Variants in ZNF445 observed in about 807,000 individuals in gnomAD.
The protein encoded by ZNF445 is zinc finger protein 168.
ZNF445 carries 19 observed loss-of-function variants against 93.9 expected under a neutral mutation model. The observed-to-expected ratio is 0.20, with a 90% confidence interval of 0.14 to 0.30. ZNF445 has a LOEUF of 0.30. ZNF445 is among the 10% of genes least tolerant of loss of function. The pLI is 1.00. For missense variants in ZNF445, 1,058 were observed against 1,259.4 expected, an observed-to-expected ratio of 0.84 and a Z score of 2.42; for synonymous variants, 449 against 446.3, an observed-to-expected ratio of 1.01 and a Z score of -0.08.
intron 1 of ZNF445, among the ~76,000 whole-genome samples, chr3:44,465,932 A>G (rs1307735007): frequency 6.6e-6 from 1 of 152,168 alleles, no homozygotes; most frequent in Non-Finnish European, 1.5e-5. Flanking sequence ...ACCAAAAAAC[A>G]AAACAAACAA....
Position 44,450,919 on chromosome 3 carries a change from C to A in ZNF445, c.642G>T (p.Gly214=), listed in dbSNP as rs757347521. ...TTGGTGTTACCTGGTCTCCCGGGCA[C>A]CCCTCTCTCGGGAAAAGGGCAGGCA... The part of the protein sequence containing the change: ...AQMPALFPRE[G]CPGDQVTPTR... Residue 214 remains glycine, a synonymous_variant, in exon 5 of 8, where the codon GGG becomes GGT. Coordinates refer to ENST00000396077, the MANE Select transcript of ZNF445 (RefSeq NM_181489.6). 2 of 1,599,580 alleles carry A rather than the reference C, an allele frequency of 1.3e-6. No homozygotes were observed. Among genetic ancestry groups the A allele is most frequent in the Admixed American group, 1.7e-5 (1 of 57,762 alleles).
intron 3 of ZNF445, among the ~76,000 whole-genome samples, chr3:44,451,827 T>C (rs1697963036): frequency 6.6e-6 from 1 of 152,010 alleles, no homozygotes; most frequent in African/African-American, 2.4e-5. Context: ...CCCAGGCCTG[T>C]AACTTAGAAA....
chr3:44,475,074 A>T (rs1423179439), intron 1 of ZNF445, among the ~76,000 whole-genome samples: 3 of 152,154 alleles, frequency 2.0e-5, no homozygotes, highest in Non-Finnish European at 4.4e-5. Context: ...ACTTCACTCC[A>T]GCCTGGGTGA....
rs775508548 is a variant in ZNF445 at position 44,444,614 on chromosome 3, G to A, written c.*1961C>T. The A allele has an allele frequency of 5.3e-5, 8 of 152,320 alleles. No individual in the cohort carries two copies. The highest frequency in any genetic ancestry group is 1.0e-4 in the Non-Finnish European group (7 of 68,058). The allele number at this position is 152,320 out of a possible 1,614,324, so 9.4% of individuals were successfully genotyped here. ...CATGAACAGCTGCTGCCGTAGGAAGGCAAGAGGATGGCAGAACCAAGATGA... is the reference window on the plus strand; with the variant it reads ...CATGAACAGCTGCTGCCGTAGGAAGACAAGAGGATGGCAGAACCAAGATGA... On this transcript the variant is annotated 3_prime_UTR_variant, in exon 8 of 8. Coordinates refer to ENST00000396077, the MANE Select transcript of ZNF445 (RefSeq NM_181489.6).
Position 44,455,154 on chromosome 3 carries a change from C to T in ZNF445, c.396G>A (p.Glu132=), listed in dbSNP as rs142136606. The T allele has an allele frequency of 7.4e-6, 12 of 1,614,188 alleles. No homozygotes were observed. In the Admixed American group the frequency reaches 2.0e-4, roughly 27 times the overall value. The change falls in exon 3 of 8, where the codon GAG becomes GAA. Residue 132 remains glutamate, a synonymous_variant. Transcript: ENST00000396077. Reference sequence around the variant, plus strand: ...ATGTCCCATCAAGGTCCCTCTGCAGCTCCTCCAGCAAGGCCACAGCCTCCT... The same window carrying T: ...ATGTCCCATCAAGGTCCCTCTGCAGTTCCTCCAGCAAGGCCACAGCCTCCT... The part of the protein sequence containing the change: ...SGEEAVALLE[E]LQRDLDGTSW...
At position 44,448,516 on chromosome 3, in the gene ZNF445, T is replaced by C; in HGVS notation, c.1155A>G (p.Gly385=). ...KEETNFSHRT[G]KDSEVSGSNS... ...TACTTCCTGATACTTCAGAGTCTTT[T>C]CCTGTCCTGTGACTGAAATTGGTCT... Residue 385 remains glycine (G), a synonymous_variant, in exon 8 of 8, where the codon GGA becomes GGG. Coordinates refer to ENST00000396077, the MANE Select transcript of ZNF445 (RefSeq NM_181489.6). 2 of 1,614,034 alleles carry C rather than the reference T, an allele frequency of 1.2e-6. No homozygotes were observed. Among genetic ancestry groups the C allele is most frequent in the Non-Finnish European group, 1.7e-6 (2 of 1,180,032 alleles).
Position 44,457,196 on chromosome 3 carries a change from C to G in ZNF445, c.-148+1048G>C, listed in dbSNP as rs890719886. Among the ~76,000 whole-genome samples, 14 of 152,146 alleles carry G rather than the reference C, an allele frequency of 9.2e-5. No homozygotes were observed. In the East Asian group the frequency reaches 2.7e-3, roughly 29 times the overall value. ...TGAAGGAATGTTTGTTTCTTCATAC[C>G]TGGGGAAGGAGCTTGTGCTATACGA... is the stretch of plus-strand genomic sequence containing the variant. On this transcript the variant is annotated intron_variant, in intron 2 of 7. Coordinates refer to ENST00000396077, the MANE Select transcript of ZNF445 (RefSeq NM_181489.6).
rs1158578689 is a variant in ZNF445 at position 44,434,124 on chromosome 3, G to A, written c.*12451C>T. 6.6e-6 allele frequency: 1 copy of A among 151,936 alleles called. No homozygotes were observed. The highest frequency in any genetic ancestry group is 1.5e-5 in the Non-Finnish European group (1 of 68,000). 9.4% of individuals were successfully genotyped at this position (151,936 alleles called of 1,614,324 possible). ...AGAATGTAACTATTGGAAAGAGAGAGAAAAAGGGCCTGGCTTGGTGGCTCA... is the reference window on the plus strand; with the variant it reads ...AGAATGTAACTATTGGAAAGAGAGAAAAAAAGGGCCTGGCTTGGTGGCTCA... On this transcript the variant is annotated 3_prime_UTR_variant, in exon 8 of 8. Transcript: ENST00000396077.
At chr3:44,468,120 C>T (rs542061290) in intron 1 of ZNF445, among the ~76,000 whole-genome samples, 1 of 152,218 alleles carries the variant, frequency 6.6e-6, no homozygotes, top group Non-Finnish European at 1.5e-5. Context: ...CAAAGCAGTT[C>T]CACTCTTCTC....
intron 1 of ZNF445, among the ~76,000 whole-genome samples, chr3:44,459,535 C>T (rs1382445598): frequency 6.6e-6 from 1 of 152,130 alleles, no homozygotes; most frequent in Admixed American, 6.5e-5. Flanking sequence ...AAGCAAATGA[C>T]TAAAAGGCCA....
At chr3:44,455,766 A>G (rs1559395846) in intron 2 of ZNF445, 70 bp from the exon 3 acceptor site, 1 of 525,498 alleles carries the variant, frequency 1.9e-6, no homozygotes, top group Non-Finnish European at 3.3e-6. Flanking sequence ...GGTTGGGATC[A>G]TCTTTGTATA....
intron 1 of ZNF445, among the ~76,000 whole-genome samples, chr3:44,471,327 T>C (rs1400614061): frequency 6.6e-6 from 1 of 152,172 alleles, no homozygotes; most frequent in Non-Finnish European, 1.5e-5. Flanking sequence ...GATCCAAATA[T>C]GCCCATAAAT....
intron 4 of ZNF445, 102 bp downstream of exon 4, chr3:44,451,212 A>C: frequency 7.0e-7 from 1 of 1,420,318 alleles, no homozygotes. Flanking sequence ...GGGCCAGGAC[A>C]GAAGGAGATT....
At chr3:44,473,307 T>C (rs1257393254) in intron 1 of ZNF445, among the ~76,000 whole-genome samples, 1 of 151,700 alleles carries the variant, frequency 6.6e-6, no homozygotes, top group African/African-American at 2.4e-5. Context: ...ATACAAAAAT[T>C]AGCCGGCATG....
intron 1 of ZNF445, among the ~76,000 whole-genome samples, chr3:44,471,676 C>G (rs1375326841): frequency 6.6e-6 from 1 of 152,196 alleles, no homozygotes; most frequent in Non-Finnish European, 1.5e-5. Context: ...AGAAGACTCA[C>G]ACTAGAAGGC....
intron 1 of ZNF445, among the ~76,000 whole-genome samples, chr3:44,468,136 G>A (rs1446357420): frequency 1.3e-5 from 2 of 152,192 alleles, no homozygotes; most frequent in Non-Finnish European, 2.9e-5. Context: ...TTCTCACGCT[G>A]GGGTTCACTC....
chr3:44,432,664 G>A lies in ZNF445; in HGVS notation c.*13911C>T, dbSNP rs1392740374. On this transcript the variant is annotated 3_prime_UTR_variant, in exon 8 of 8. Transcript: ENST00000396077. ...AATTTAAACGTTAATCTCATCCAAA[G>A]CAACCTCACAGAAACACCCAGCATA... is the stretch of plus-strand genomic sequence containing the variant. 6.6e-6 allele frequency: 1 copy of A among 152,176 alleles called. No individual in the cohort carries two copies. Among genetic ancestry groups the A allele is most frequent in the Non-Finnish European group, 1.5e-5 (1 of 68,046 alleles). The allele number at this position is 152,176 out of a possible 1,614,324, so 9.4% of individuals were successfully genotyped here.
chr3:44,443,320 A>G lies in ZNF445; in HGVS notation c.*3255T>C, dbSNP rs1697834984. Reference sequence around the variant, plus strand: ...CTAATCTGAATTCATTAATATTTATATAATTATAGTACTTATAGAACTAAA... The same window carrying G: ...CTAATCTGAATTCATTAATATTTATGTAATTATAGTACTTATAGAACTAAA... On this transcript the variant is annotated 3_prime_UTR_variant, in exon 8 of 8. Coordinates refer to ENST00000396077, the MANE Select transcript of ZNF445 (RefSeq NM_181489.6). The G allele has an allele frequency of 1.3e-5, 2 of 152,218 alleles. No individual in the cohort carries two copies. Among genetic ancestry groups the G allele is most frequent in the African/African-American group, 2.4e-5 (1 of 41,464 alleles). 9.4% of individuals were successfully genotyped at this position (152,218 alleles called of 1,614,324 possible).
chr3:44,445,282 T>C lies in ZNF445; in HGVS notation c.*1293A>G, dbSNP rs1227499860. 2.0e-5 allele frequency: 3 copies of C among 152,284 alleles called. No individual in the cohort carries two copies. Among genetic ancestry groups the C allele is most frequent in the African/African-American group, 7.2e-5 (3 of 41,452 alleles). The allele number at this position is 152,284 out of a possible 1,614,324, so 9.4% of individuals were successfully genotyped here. A position where few individuals can be genotyped will look rare whatever the true frequency, so the allele number is the denominator to read the frequency against. ...ACGGAGTGGGGAGGAGTCTGATTTA[T>C]GGGAACTGGCAGCAAGGCTAACTGC... is the stretch of plus-strand genomic sequence containing the variant. On this transcript the variant is annotated 3_prime_UTR_variant, in exon 8 of 8. Transcript: ENST00000396077.
Sources: allele counts gnomAD v4.1 joint callset (sites outside exome capture counted in the v4.1 genomes callset), GRCh38; gene constraint gnomAD v4.1.1; transcripts MANE v1.5; gene names NCBI Gene and HGNC (gene_info 2026-07-23, HGNC 2026-07-21).